The following KRT13 variants were observed in gnomAD, a reference collection of about 807,000 sequenced individuals.
KRT13 encodes keratin, type I cytoskeletal 13.
In KRT13, 27 loss-of-function variants were observed where a neutral mutation model predicts 40.6. That is an observed-to-expected ratio of 0.67 (90% confidence interval 0.49 to 0.92). The LOEUF (loss-of-function observed/expected upper bound fraction) is 0.92. Ranked by LOEUF, KRT13 falls within the 40% of genes least tolerant of loss-of-function variation. KRT13 has a pLI of 0.00. For synonymous variants in KRT13, 266 were observed against 240.3 expected (o/e 1.11, Z -0.99); for missense variants, 605 against 611.5 (o/e 0.99, Z 0.11).
At position 41,505,286 on chromosome 17, in the gene KRT13, A is replaced by C. The variant is rs1194879659; in HGVS notation, c.265T>G (p.Phe89Val). 1.9e-6 allele frequency: 3 copies of C among 1,614,006 alleles called. No individual in the cohort carries two copies. Among genetic ancestry groups the C allele is most frequent in the Non-Finnish European group, 2.5e-6 (3 of 1,180,024 alleles). ...GGFGGGFAGGFVDFGACDGGL... is the reference protein window; with the variant it reads ...GGFGGGFAGGVVDFGACDGGL... ...CCATCACAAGCACCAAAGTCAACAA[A>C]GCCACCAGCAAAACCCCCACCAAAG... Residue 89 changes from phenylalanine (F) to valine (V), a missense_variant, in exon 1 of 8, where the codon TTT becomes GTT. By Grantham distance (50) the Phe-to-Val change is conservative (BLOSUM62 -1). Transcript: ENST00000246635.
chr17:41,502,128 G>A lies in KRT13; in HGVS notation c.1244+246C>T, dbSNP rs960645664. 2.1e-6 allele frequency: 3 copies of A among 1,436,012 alleles called. No individual in the cohort carries two copies. The African/African-American group carries it at 4.3e-5, about 21-fold the overall frequency. The allele number at this position is 1,436,012 out of a possible 1,614,324, so 89.0% of individuals were successfully genotyped here. A position where few individuals can be genotyped will look rare whatever the true frequency, so the allele number is the denominator to read the frequency against. On this transcript the variant is annotated intron_variant, in intron 6 of 7. Coordinates refer to ENST00000246635, the MANE Select transcript of KRT13 (RefSeq NM_153490.3). ...CTTTGTTCAGCTGAGCTGTATCCAA[G>A]CTCATGTTTTTCCAATATCAGATGT...
chr17:41,502,377 G>T lies in KRT13; in HGVS notation c.1241C>A (p.Ala414Asp). ...TYRSLLEGQD[A>D]KMIGFPSSAG... ...AAAGAGGCTGGAGAGGACCTACTTG[G>T]CGTCCTGGCCCTCGAGCAGGCTGCG... Residue 414 changes from alanine (A) to aspartate (D), a missense_variant, in exon 6 of 8, where the codon GCC becomes GAC. Coordinates refer to ENST00000246635, the MANE Select transcript of KRT13 (RefSeq NM_153490.3). 1 of 1,614,180 alleles carries T rather than the reference G, an allele frequency of 6.2e-7. No individual in the cohort carries two copies. Among genetic ancestry groups the T allele is most frequent in the Non-Finnish European group, 8.5e-7 (1 of 1,180,028 alleles).
In KRT13 at chr17:41,505,096, T is replaced by C; in HGVS notation, c.455A>G (p.Tyr152Cys). 1 of 1,614,228 alleles carries C rather than the reference T, an allele frequency of 6.2e-7. No homozygotes were observed. The highest frequency in any genetic ancestry group is 8.5e-7 in the Non-Finnish European group (1 of 1,180,040). Reference sequence around the variant, plus strand: ...TTCAATGGTCTTGTAGTAGGGGCTGTAGTCCCGCTCAGGGCTAGCTGGGCT... The same window carrying C: ...TTCAATGGTCTTGTAGTAGGGGCTGCAGTCCCGCTCAGGGCTAGCTGGGCT... ...KQSPASPERDYSPYYKTIEEL... is the reference protein window; with the variant it reads ...KQSPASPERDCSPYYKTIEEL... Residue 152 changes from tyrosine to cysteine, a missense_variant, in exon 1 of 8, where the codon TAC (tyrosine) becomes TGC (cysteine). Tyr to Cys is a radical substitution (Grantham distance 194). Transcript: ENST00000246635.
At chr17:41,502,336 C>T (rs1291492331) in intron 6 of KRT13, 38 bp downstream of exon 6, 4 of 1,613,432 alleles carry the variant, frequency 2.5e-6, no homozygotes, top group Non-Finnish European at 3.4e-6. Flanking sequence ...ACGGGTCCTG[C>T]AGTCACTATC....
Position 41,502,673 on chromosome 17 carries a change from G to C in KRT13, c.1023+14C>G. 6.2e-7 allele frequency: 1 copy of C among 1,613,696 alleles called. No homozygotes were observed. The highest frequency in any genetic ancestry group is 8.5e-7 in the Non-Finnish European group (1 of 1,180,026). Reference sequence around the variant, plus strand: ...TAGAGGTGGTCGCCACCGGGCAGGAGGCTGCAGGCATACCATGCTCAGCTG... The same window carrying C: ...TAGAGGTGGTCGCCACCGGGCAGGACGCTGCAGGCATACCATGCTCAGCTG... On this transcript the variant is annotated intron_variant, in intron 5 of 7. Coordinates refer to ENST00000246635, the MANE Select transcript of KRT13 (RefSeq NM_153490.3).
rs376484003 is a variant in KRT13, at chr17:41,505,205, C to A, written c.346G>T (p.Ala116Ser). The A allele has an allele frequency of 1.2e-5, 19 of 1,614,104 alleles. No individual in the cohort carries two copies. The highest frequency in any genetic ancestry group is 1.0e-4 in the Admixed American group (6 of 60,006). ...ITMQNLNDRL[A>S]SYLEKVRALE... ...GCGCGCACCTTCTCCAGGTAGGAAG[C>A]CAGGCGGTCGTTGAGGTTCTGCATG... Residue 116 changes from alanine (A) to serine (S), a missense_variant, in exon 1 of 8, where the codon GCT becomes TCT. Physicochemically the swap from Ala to Ser is moderately conservative, Grantham distance 99. Coordinates refer to ENST00000246635, the MANE Select transcript of KRT13 (RefSeq NM_153490.3).
In KRT13 at chr17:41,501,709, G is replaced by C. The variant is rs755604664; in HGVS notation, c.1270+10C>G. 1 of 1,582,526 alleles carries C rather than the reference G, an allele frequency of 6.3e-7. No individual in the cohort carries two copies. The highest frequency in any genetic ancestry group is 8.6e-7 in the Non-Finnish European group (1 of 1,163,434). ...CTGCCTCCCCCTACACCACGGGGCT[G>C]TTCCCTTACCTGCTGAGGAAGGGAA... On this transcript the variant is annotated intron_variant, in intron 7 of 7. Transcript: ENST00000246635.
chr17:41,504,293 G>C (rs983329847), intron 1 of KRT13: 1 of 165,246 alleles, frequency 6.1e-6, no homozygotes, highest in African/African-American at 2.4e-5. Flanking sequence ...CCCTCCCTAG[G>C]CCACTGTCTT....
chr17:41,503,021 G>A lies in KRT13; in HGVS notation c.813C>T (p.Thr271=), dbSNP rs755412445. Residue 271 remains threonine, a synonymous_variant, in exon 4 of 8, where the codon ACC becomes ACT. Transcript: ENST00000246635. ...GCTCCCTCATCTCTGCCAGCACGCG[G>A]GTCAGGTCAATGCCTGGGGTGGCAT... ...EMDATPGIDL[T]RVLAEMREQY... The A allele has an allele frequency of 3.2e-5, 51 of 1,614,084 alleles. No individual in the cohort carries two copies. Among genetic ancestry groups the A allele is most frequent in the Middle Eastern group, 3.3e-4 (2 of 6,084 alleles).
intron 3 of KRT13, 92 bp from the exon 4 acceptor site, chr17:41,503,190 AG>A: frequency 6.2e-7 from 1 of 1,604,752 alleles, no homozygotes; most frequent in Non-Finnish European, 8.5e-7. Flanking sequence ...GAGTGTTTCC[AG>A]GTCCCACAGT....
chr17:41,502,835 G>T, intron 4 of KRT13, 23 bp from the exon 5 acceptor site: 1 of 1,614,198 alleles, frequency 6.2e-7, no homozygotes, highest in Non-Finnish European at 8.5e-7. Flanking sequence ...CAGGAAGAAG[G>T]TGGTGGGGAA....
chr17:41,501,266 C>A lies in KRT13; in HGVS notation c.1367G>T (p.Arg456Leu), dbSNP rs781460268. 6.4e-7 allele frequency: 1 copy of A among 1,562,054 alleles called. No individual in the cohort carries two copies. Among genetic ancestry groups the A allele is most frequent in the Non-Finnish European group, 8.7e-7 (1 of 1,151,826 alleles). The change falls in exon 8 of 8, where the codon CGT becomes CTT. Residue 456 changes from arginine (R) to leucine (L), a missense_variant. By Grantham distance (102) the Arg-to-Leu change is moderately radical. Coordinates refer to ENST00000246635, the MANE Select transcript of KRT13 (RefSeq NM_153490.3). ...NASGRRTSDV[R>L]RP is the part of the protein sequence containing the mutation. Reference sequence around the variant, plus strand: ...GGACGCCAGGCAGATTTAAGGCCTACGGACATCAGAAGTGCGGCGACCAGA... The same window carrying A: ...GGACGCCAGGCAGATTTAAGGCCTAAGGACATCAGAAGTGCGGCGACCAGA...
chr17:41,505,374 A>T lies in KRT13; in HGVS notation c.177T>A (p.Ser59Arg). Residue 59 changes from serine (S) to arginine (R), a missense_variant, in exon 1 of 8, where the codon AGT (serine) becomes AGA (arginine). Ser to Arg is a moderately radical substitution (Grantham distance 110). Coordinates refer to ENST00000246635, the MANE Select transcript of KRT13 (RefSeq NM_153490.3). The part of the protein sequence containing the change: ...VSCGFGGGAG[S>R]GFGGGYGGGL... ...CACCTCCATAGCCACCTCCAAAGCCACTACCAGCCCCTCCACCAAAACCAC... is the reference window on the plus strand; with the variant it reads ...CACCTCCATAGCCACCTCCAAAGCCTCTACCAGCCCCTCCACCAAAACCAC... The T allele has an allele frequency of 6.2e-7, 1 of 1,613,770 alleles. No individual in the cohort carries two copies. The highest frequency in any genetic ancestry group is 1.1e-5 in the South Asian group (1 of 91,074).
intron 5 of KRT13, 46 bp downstream of exon 5, chr17:41,502,641 G>A: frequency 6.2e-7 from 1 of 1,613,106 alleles, no homozygotes; most frequent in Non-Finnish European, 8.5e-7. Flanking sequence ...CAGGCCAGAG[G>A]GAAACCTAGA....
Position 41,505,136 on chromosome 17 carries a change from A to T in KRT13, c.415T>A (p.Trp139Arg). ...CTAGCTGGGCTCTGCTTCAGGTGCC[A>T]GTCACGGATCTTCACCTCCAGGTCA... Reference protein sequence around the residue: ...NADLEVKIRDWHLKQSPASPE... With the variant: ...NADLEVKIRDRHLKQSPASPE... The change falls in exon 1 of 8, where the codon TGG becomes AGG. Residue 139 changes from tryptophan to arginine, a missense_variant. Transcript: ENST00000246635. 6.2e-7 allele frequency: 1 copy of T among 1,614,210 alleles called. No individual in the cohort carries two copies. The highest frequency in any genetic ancestry group is 8.5e-7 in the Non-Finnish European group (1 of 1,180,026).
At chr17:41,501,436 G>C in intron 7 of KRT13, 74 bp from the exon 8 acceptor site, 1 of 1,277,768 alleles carries the variant, frequency 7.8e-7, no homozygotes, top group South Asian at 1.3e-5. Context: ...CCCCCTGGAG[G>C]GCTCACAAAC....
At position 41,502,787 on chromosome 17, in the gene KRT13, G is replaced by A. The variant is rs1904905293; in HGVS notation, c.923C>T (p.Ser308Phe). The change falls in exon 5 of 8, where the codon TCT (serine) becomes TTT (phenylalanine). Residue 308 changes from serine to phenylalanine, a missense_variant. Transcript: ENST00000246635. ...TKSAELNKEV[S>F]TNTAMIQTSK... ...GGTCTGAATCATGGCAGTGTTGGTAGACACCTCCTTGTTCAGCTCTGCACT... is the reference window on the plus strand; with the variant it reads ...GGTCTGAATCATGGCAGTGTTGGTAAACACCTCCTTGTTCAGCTCTGCACT... 1.2e-6 allele frequency: 2 copies of A among 1,614,048 alleles called. No individual in the cohort carries two copies. The highest frequency in any genetic ancestry group is 1.7e-6 in the Non-Finnish European group (2 of 1,180,042).
In KRT13 at chr17:41,503,813, G is replaced by A; in HGVS notation, c.496-88C>T. ...GCCACATTGGAAGAAGAATTGTCTT[G>A]GGCAACACATCAAATACGCTAACAC... On this transcript the variant is annotated intron_variant, in intron 1 of 7. Transcript: ENST00000246635. The A allele has an allele frequency of 3.1e-6, 3 of 972,108 alleles. No homozygotes were observed. The Admixed American group carries it at 5.1e-5, about 16-fold the overall frequency. The allele number at this position is 972,108 out of a possible 1,614,324, so 60.2% of individuals were successfully genotyped here. A position where few individuals can be genotyped will look rare whatever the true frequency, so the allele number is the denominator to read the frequency against.
At chr17:41,504,814 T>TA (rs1905001213) in intron 1 of KRT13, among the ~76,000 whole-genome samples, 1 of 152,070 alleles carries the variant, frequency 6.6e-6, no homozygotes, top group South Asian at 2.1e-4. Flanking sequence ...TGGAAAGCAG[T>TA]AAAAAAACTG....
Sources: gnomAD v4.1 joint callset for allele counts (sites outside exome capture counted in the v4.1 genomes callset) on GRCh38, gnomAD v4.1.1 for gene constraint, MANE v1.5 for transcripts, NCBI Gene and HGNC (gene_info 2026-07-23, HGNC 2026-07-21) for gene names.